The following PDLIM5 variants were observed in gnomAD, a reference collection of about 807,000 sequenced individuals.
The protein encoded by PDLIM5 is PDZ and LIM domain protein 5.
PDLIM5 carries 34 observed loss-of-function variants against 64.2 expected under a neutral mutation model. That is an observed-to-expected ratio of 0.53 (90% confidence interval 0.40 to 0.71). PDLIM5 has a LOEUF of 0.71. Among genes scored for constraint, PDLIM5 ranks in the 30% least tolerant of loss-of-function variants. The probability of loss-of-function intolerance (pLI) is 0.00; values close to 1 mark genes in which losing one functional copy is unlikely to be tolerated. For synonymous variants in PDLIM5, 253 were observed against 269.1 expected (o/e 0.94, Z 0.59); for missense variants, 683 against 733.6 (o/e 0.93, Z 0.80).
intron 3 of PDLIM5, among the ~76,000 whole-genome samples, chr4:94,536,341 A>T (rs1159898647): frequency 6.6e-6 from 1 of 152,222 alleles, no homozygotes; most frequent in East Asian, 1.9e-4. Flanking sequence ...ATTCTATGAC[A>T]TTGGATTCCA....
At chr4:94,534,013 T>TTTGGTTCAAAATTATTGAACCA (rs1387289511) in intron 3 of PDLIM5, among the ~76,000 whole-genome samples, 1 of 152,244 alleles carries the variant, frequency 6.6e-6, no homozygotes. Context: ...TACTGCCAGC[T>TTTGGTTCAAAATTATTGAACCA]AATTACTGCT....
At chr4:94,556,485 T>A (rs1733337720) in intron 3 of PDLIM5, among the ~76,000 whole-genome samples, 4 of 152,304 alleles carry the variant, frequency 2.6e-5, no homozygotes, top group Middle Eastern at 3.4e-3. Context: ...TGCCACACTG[T>A]CTTCCACAAT....
intron 5 of PDLIM5, among the ~76,000 whole-genome samples, chr4:94,583,274 A>T (rs993157096): frequency 3.3e-5 from 5 of 152,148 alleles, no homozygotes; most frequent in African/African-American, 1.2e-4. Context: ...TCTAAGGGGT[A>T]GTGTACTTTT....
chr4:94,535,321 A>G (rs188535052), intron 3 of PDLIM5, among the ~76,000 whole-genome samples: 3 of 152,084 alleles, frequency 2.0e-5, no homozygotes, highest in African/African-American at 7.2e-5. Flanking sequence ...TGCCCCTTTC[A>G]CCTTCCTCTT....
intron 2 of PDLIM5, among the ~76,000 whole-genome samples, chr4:94,500,197 G>T (rs758759788): frequency 6.6e-6 from 1 of 152,120 alleles, no homozygotes; most frequent in Non-Finnish European, 1.5e-5. Flanking sequence ...TCTAGAAGTG[G>T]TATCACTTTG....
At chr4:94,502,477 T>A (rs1578263469) in intron 2 of PDLIM5, among the ~76,000 whole-genome samples, 1 of 152,320 alleles carries the variant, frequency 6.6e-6, no homozygotes. Context: ...AGCCCTGTGA[T>A]CTTTAGCTCT....
chr4:94,665,570 C>G lies in PDLIM5; in HGVS notation c.*1503C>G, dbSNP rs1432172024. 1.1e-6 allele frequency: 1 copy of G among 916,396 alleles called. No homozygotes were observed. The highest frequency in any genetic ancestry group is 1.3e-6 in the Non-Finnish European group (1 of 791,050). 56.8% of individuals were successfully genotyped at this position (916,396 alleles called of 1,614,324 possible). A position where few individuals can be genotyped will look rare whatever the true frequency, so the allele number is the denominator to read the frequency against. ...ATTGTGAATCAGAAGATTATACCCC[C>G]CAATTGTTTTTCAATCCCCTTTTCT... On this transcript the variant is annotated 3_prime_UTR_variant, in exon 13 of 13. Transcript: ENST00000317968.
At chr4:94,574,243 A>G (rs1735055637) in intron 4 of PDLIM5, among the ~76,000 whole-genome samples, 1 of 152,134 alleles carries the variant, frequency 6.6e-6, no homozygotes, top group Non-Finnish European at 1.5e-5. Context: ...CACGCCTGTA[A>G]TCCCATCTTT....
intron 2 of PDLIM5, among the ~76,000 whole-genome samples, chr4:94,518,163 C>G (rs1270777373): frequency 6.6e-6 from 1 of 152,090 alleles, no homozygotes; most frequent in Non-Finnish European, 1.5e-5. Context: ...ATTGAATGAT[C>G]ATATTCAAGA....
chr4:94,584,617 C>G (rs1288354664), intron 5 of PDLIM5: 1 of 190,318 alleles, frequency 5.3e-6, no homozygotes, highest in East Asian at 1.5e-4. Flanking sequence ...AGAAGGAATA[C>G]CTGTACATAT....
rs1393502886 is a variant in PDLIM5 at position 94,586,415 on chromosome 4, A to G, written c.891A>G (p.Glu297=). The part of the protein sequence containing the change: ...AQITGTEHLK[E]SEADNTKKAN... ...TTGCTTATTATATTTCAGTGAAAGAATCTGAAGCCGATAATACAAAGAAGG... is the reference window on the plus strand; with the variant it reads ...TTGCTTATTATATTTCAGTGAAAGAGTCTGAAGCCGATAATACAAAGAAGG... The change falls in exon 7 of 13, where the codon GAA becomes GAG. Residue 297 remains glutamate (E), a synonymous_variant. Coordinates refer to ENST00000317968, the MANE Select transcript of PDLIM5 (RefSeq NM_006457.5). 6.6e-7 allele frequency: 1 copy of G among 1,515,378 alleles called. No homozygotes were observed. Among genetic ancestry groups the G allele is most frequent in the Non-Finnish European group, 9.1e-7 (1 of 1,095,666 alleles). The allele number at this position is 1,515,378 out of a possible 1,614,324, so 93.9% of individuals were successfully genotyped here. A position where few individuals can be genotyped will look rare whatever the true frequency, so the allele number is the denominator to read the frequency against.
chr4:94,557,990 T>C (rs1733502215), intron 3 of PDLIM5, among the ~76,000 whole-genome samples: 1 of 152,220 alleles, frequency 6.6e-6, no homozygotes, highest in Admixed American at 6.5e-5. Context: ...GTGCCAGTTT[T>C]CAAAGGGAAT....
At chr4:94,561,337 A>G (rs967045465) in intron 3 of PDLIM5, among the ~76,000 whole-genome samples, 2 of 152,156 alleles carry the variant, frequency 1.3e-5, no homozygotes, top group African/African-American at 4.8e-5. Context: ...CAGTTAGACA[A>G]TGCTAATTAA....
At chr4:94,643,397 T>C (rs1050590144) in intron 9 of PDLIM5, among the ~76,000 whole-genome samples, 1 of 152,204 alleles carries the variant, frequency 6.6e-6, no homozygotes, top group Non-Finnish European at 1.5e-5. Context: ...CTCATACTTA[T>C]GAATAGATTA....
At chr4:94,568,764 A>G (rs996581670) in intron 3 of PDLIM5, among the ~76,000 whole-genome samples, 2 of 152,228 alleles carry the variant, frequency 1.3e-5, no homozygotes, top group African/African-American at 4.8e-5. Context: ...TTTAAGAAAG[A>G]TGTATGCAAA....
At chr4:94,497,143 A>G (rs774992) in intron 2 of PDLIM5, among the ~76,000 whole-genome samples, 98,477 of 152,040 alleles carry the variant, frequency 0.65, 35,077 homozygotes, top group East Asian at 0.86. Context: ...GCTGCTTTAC[A>G]TGTGATTCTT....
At position 94,531,759 on chromosome 4, in the gene PDLIM5, A is replaced by G. The variant is rs146595156; in HGVS notation, c.248+7884A>G. ...ACTAGTCTCCTAGTAGATATTTGATAAGATGGGATAGATGCATAATAGGGG... is the reference window on the plus strand; with the variant it reads ...ACTAGTCTCCTAGTAGATATTTGATGAGATGGGATAGATGCATAATAGGGG... On this transcript the variant is annotated intron_variant, in intron 3 of 12. Coordinates refer to ENST00000317968, the MANE Select transcript of PDLIM5 (RefSeq NM_006457.5). Among the ~76,000 whole-genome samples, 353 of 152,256 alleles carry G rather than the reference A, an allele frequency of 2.3e-3. 1 individual carries two copies. The highest frequency in any genetic ancestry group is 7.9e-3 in the African/African-American group (330 of 41,538).
chr4:94,483,835 C>A (rs185509214), intron 2 of PDLIM5, among the ~76,000 whole-genome samples: 58 of 152,286 alleles, frequency 3.8e-4, no homozygotes, highest in African/African-American at 1.3e-3. Flanking sequence ...TTTATGGAAT[C>A]ATGGATTTGA....
At chr4:94,476,599 TC>T (rs1725344610) in intron 2 of PDLIM5, among the ~76,000 whole-genome samples, 2 of 152,222 alleles carry the variant, frequency 1.3e-5, no homozygotes, top group Admixed American at 1.3e-4. Context: ...TGGATCTTCC[TC>T]CATCATGAGT....
Sources: gnomAD v4.1 joint callset for allele counts (sites outside exome capture counted in the v4.1 genomes callset) on GRCh38, gnomAD v4.1.1 for gene constraint, MANE v1.5 for transcripts, NCBI Gene and HGNC (gene_info 2026-07-23, HGNC 2026-07-21) for gene names.